CLEC10A: variants seen among roughly 807,000 people sequenced by gnomAD.
The protein encoded by CLEC10A is C-type lectin domain containing 10A.
In CLEC10A, 38 loss-of-function variants were observed where a neutral mutation model predicts 42.0. That is an observed-to-expected ratio of 0.90 (90% CI 0.70 to 1.18). CLEC10A has a LOEUF of 1.18. Among genes scored for constraint, CLEC10A ranks in the 50% most tolerant of loss-of-function variants. The pLI is 0.00. For missense variants in CLEC10A, 298 were observed against 345.9 expected (o/e 0.86, Z 1.10); for synonymous variants, 126 against 139.9 (o/e 0.90, Z 0.70).
Position 7,076,046 on chromosome 17 carries a change from G to A in CLEC10A, c.378C>T (p.Val126=). ...TCTTCAGGTCTTGCACCAGCTGCTG[G>A]ACTCGCAGGAGCATTTCAGAATGAA... ...QAVHSEMLLR[V]QQLVQDLKKL... Residue 126 remains valine (V), a synonymous_variant, in exon 6 of 9, where the codon GTC becomes GTT. Transcript: ENST00000416562. 1.2e-6 allele frequency: 2 copies of A among 1,614,184 alleles called. No individual in the cohort carries two copies. Among genetic ancestry groups the A allele is most frequent in the Non-Finnish European group, 1.7e-6 (2 of 1,180,044 alleles).
chr17:7,076,307 C>CTTTTTTTTTTT (rs1206807036), intron 5 of CLEC10A, among the ~76,000 whole-genome samples: 2 of 121,130 alleles, frequency 1.7e-5, no homozygotes, highest in African/African-American at 6.3e-5. Flanking sequence ...TTCTTTCTTT[C>CTTTTTTTTTTT]TTTTTTTTTT....
At chr17:7,077,617 A>G (rs1227383101) in intron 3 of CLEC10A, among the ~76,000 whole-genome samples, 1 of 91,616 alleles carries the variant, frequency 1.1e-5, no homozygotes. Flanking sequence ...CATTCCCATC[A>G]ATCACTCCAT....
chr17:7,079,042 T>G (rs1226573525), intron 1 of CLEC10A, among the ~76,000 whole-genome samples, 157 bp from the exon 2 acceptor site: 1 of 151,886 alleles, frequency 6.6e-6, no homozygotes, highest in Non-Finnish European at 1.5e-5. Context: ...AGTTTGGGAG[T>G]GAAACTGGAG....
intron 6 of CLEC10A, 27 bp from the exon 7 acceptor site, chr17:7,075,912 G>C: frequency 6.2e-7 from 1 of 1,611,066 alleles, no homozygotes; most frequent in African/African-American, 1.3e-5. Context: ...AGGATAGGGT[G>C]GAGAGGCTGA....
intron 3 of CLEC10A, among the ~76,000 whole-genome samples, chr17:7,077,350 G>GTCCCCATCACCGTTCCCGTCAATCA (rs1567745550): frequency 1.9e-4 from 25 of 129,596 alleles, no homozygotes; most frequent in African/African-American, 3.8e-4. Context: ...CTCCATCAGT[G>GTCCCCATCACCGTTCCCGTCAATCA]CTCCGACCAC....
At position 7,075,016 on chromosome 17, in the gene CLEC10A, C is replaced by A; in HGVS notation, c.*38G>T. On this transcript the variant is annotated 3_prime_UTR_variant, in exon 9 of 9. Coordinates refer to ENST00000416562, the MANE Select transcript of CLEC10A (RefSeq NM_001330070.2). ...GTCGTGAGAAGAGTCCTCCTCCCAC[C>A]GCCATTTCTGTGGCCGGGTGGTCCC... 1 of 1,501,496 alleles carries A rather than the reference C, an allele frequency of 6.7e-7. No individual in the cohort carries two copies. The highest frequency in any genetic ancestry group is 2.5e-5 in the East Asian group (1 of 40,064). 93.0% of individuals were successfully genotyped at this position (1,501,496 alleles called of 1,614,324 possible).
At chr17:7,077,344 A>C (rs73242041) in intron 3 of CLEC10A, among the ~76,000 whole-genome samples, 6 of 130,504 alleles carry the variant, frequency 4.6e-5, no homozygotes, top group African/African-American at 1.8e-4. Flanking sequence ...CAATCACTCC[A>C]TCAGTGCTCC....
intron 3 of CLEC10A, among the ~76,000 whole-genome samples, chr17:7,077,279 G>GC (rs796601636): frequency 5.6e-5 from 4 of 71,308 alleles, no homozygotes; most frequent in African/African-American, 2.4e-4. Context: ...CTCCATCAGT[G>GC]CCCCCCCACC....
chr17:7,076,035 A>AC lies in CLEC10A; in HGVS notation c.388dup (p.Val130GlyfsTer21), dbSNP rs756589479. 1 of 1,614,186 alleles carries AC rather than the reference A, an allele frequency of 6.2e-7. No individual in the cohort carries two copies. ...GCAGGTCAGTTTCTTCAGGTCTTGC[A>AC]CCAGCTGCTGGACTCGCAGGAGCAT... is the stretch of plus-strand genomic sequence containing the variant. On this transcript the variant is annotated frameshift_variant, in exon 6 of 9. Transcript: ENST00000416562. LOFTEE classifies it high-confidence loss of function.
rs181271005 is a variant in CLEC10A, at chr17:7,076,216, G to A, written c.353-145C>T. On this transcript the variant is annotated intron_variant, in intron 5 of 8. Coordinates refer to ENST00000416562, the MANE Select transcript of CLEC10A (RefSeq NM_001330070.2). ...CCACCCACCCCCTACATCATGGCCA[G>A]GTACAGCCATCAAATCTGCTTTGGA... 6.2e-4 allele frequency: 914 copies of A among 1,471,824 alleles called. 7 individuals carry two copies. In the African/African-American group the frequency reaches 0.011, roughly 17 times the overall value. The allele number at this position is 1,471,824 out of a possible 1,614,324, so 91.2% of individuals were successfully genotyped here.
intron 6 of CLEC10A, 32 bp from the exon 7 acceptor site, chr17:7,075,917 G>T: frequency 6.2e-7 from 1 of 1,611,348 alleles, no homozygotes; most frequent in Non-Finnish European, 8.5e-7. Context: ...AGGGTGGAGA[G>T]GCTGAGGCTC....
In CLEC10A at chr17:7,075,747, T is replaced by C. The variant is rs1003094045; in HGVS notation, c.578A>G (p.Asn193Ser). Residue 193 changes from asparagine (N) to serine (S), a missense_variant, in exon 7 of 9, where the codon AAC becomes AGC. This residue lies in a region of CLEC10A where 267 missense variants were observed against 289.5 expected (regional missense o/e 0.92). Transcript: ENST00000416562. Reference protein sequence around the residue: ...QLKNAHLVVINSREEQNFVQK... With the variant: ...QLKNAHLVVISSREEQNFVQK... ...AGCCCTCACCTGCTCCTCCCTGGAG[T>C]TGATGACCACCAGGTGGGCGTTCTT... 2.5e-6 allele frequency: 4 copies of C among 1,613,928 alleles called. No individual in the cohort carries two copies. The African/African-American group carries it at 5.3e-5, about 22-fold the overall frequency.
chr17:7,076,675 C>T lies in CLEC10A; in HGVS notation c.352+58G>A, dbSNP rs1597358733. 2.5e-6 allele frequency: 4 copies of T among 1,576,752 alleles called. No individual in the cohort carries two copies. In the East Asian group the frequency reaches 6.7e-5, roughly 26 times the overall value. On this transcript the variant is annotated intron_variant, in intron 5 of 8. Coordinates refer to ENST00000416562, the MANE Select transcript of CLEC10A (RefSeq NM_001330070.2). The stretch of plus-strand genomic sequence containing the variant: ...CAGTTCAGCACCAGGAGTCTGTTCC[C>T]ACCTCCACTGTGTCTGAGCGCCTAG...
chr17:7,076,221 A>G, intron 5 of CLEC10A, 150 bp from the exon 6 acceptor site: 2 of 1,470,518 alleles, frequency 1.4e-6, no homozygotes, highest in Middle Eastern at 1.8e-4. Flanking sequence ...GGCCAGGTAC[A>G]GCCATCAAAT....
intron 5 of CLEC10A, 188 bp from the exon 6 acceptor site, chr17:7,076,259 C>A (rs2151684706): frequency 2.2e-6 from 2 of 892,210 alleles, no homozygotes; most frequent in East Asian, 2.8e-5. Flanking sequence ...GCCCCTGTTT[C>A]TCCAGCCTGC....
rs1357069951 is a variant in CLEC10A, at chr17:7,078,734, C to T, written c.67+12G>A. On this transcript the variant is annotated intron_variant, in intron 2 of 8. Transcript: ENST00000416562. ...AGAGGGCATTTTAGGAGAGTTTCCC[C>T]TTTCCTCTTACCATTTTTAAACCCC... 1 of 1,612,860 alleles carries T rather than the reference C, an allele frequency of 6.2e-7. No homozygotes were observed. The highest frequency in any genetic ancestry group is 1.1e-5 in the South Asian group (1 of 91,054).
Position 7,076,701 on chromosome 17 carries a change from C to G in CLEC10A, c.352+32G>C. ...ACCTCCACTGTGTCTGAGCGCCTAG[C>G]CCCCCACACCCATACTCGGAGGGTC... is the stretch of plus-strand genomic sequence containing the variant. On this transcript the variant is annotated intron_variant, in intron 5 of 8. Coordinates refer to ENST00000416562, the MANE Select transcript of CLEC10A (RefSeq NM_001330070.2). 4 of 1,608,964 alleles carry G rather than the reference C, an allele frequency of 2.5e-6. No individual in the cohort carries two copies. In the South Asian group the frequency reaches 4.4e-5, roughly 18 times the overall value.
chr17:7,077,537 C>T (rs1382095730), intron 3 of CLEC10A, among the ~76,000 whole-genome samples: 3 of 101,016 alleles, frequency 3.0e-5, no homozygotes, highest in Admixed American at 1.0e-4. Flanking sequence ...GACCCCCCAC[C>T]GTTCCTATCA....
At chr17:7,079,283 A>C (rs1264286698) in intron 1 of CLEC10A, among the ~76,000 whole-genome samples, 1 of 152,122 alleles carries the variant, frequency 6.6e-6, no homozygotes, top group Non-Finnish European at 1.5e-5. Flanking sequence ...GGGTTGAAGT[A>C]GGAGCTGGGT....
Sources: gnomAD v4.1 joint callset for allele counts (sites outside exome capture counted in the v4.1 genomes callset) on GRCh38, gnomAD v4.1.1 for gene constraint, gnomAD v4.1.1 regional missense constraint, MANE v1.5 for transcripts, NCBI Gene and HGNC (gene_info 2026-07-23, HGNC 2026-07-21) for gene names.